Variants in NEGR1 observed in about 807,000 individuals in gnomAD.
NEGR1 encodes IgLON family member 4.
In NEGR1, 10 loss-of-function variants were observed where a neutral mutation model predicts 40.9. That is an observed-to-expected ratio of 0.24 (90% CI 0.15 to 0.42). The LOEUF is 0.42. NEGR1 is among the 10% of genes least tolerant of loss of function. NEGR1 has a pLI of 1.00. For missense variants in NEGR1, 352 were observed against 438.9 expected (o/e 0.80, Z 1.77); for synonymous variants, 185 against 166.8 (o/e 1.11, Z -0.84).
chr1:71,416,381 G>A (rs1394179566), intron 6 of NEGR1, among the ~76,000 whole-genome samples: 1 of 152,060 alleles, frequency 6.6e-6, no homozygotes, highest in Non-Finnish European at 1.5e-5. Context: ...CTGCAACATC[G>A]TTCTTTTGGC....
chr1:71,642,787 A>G (rs1461546446), intron 4 of NEGR1, among the ~76,000 whole-genome samples: 2 of 151,932 alleles, frequency 1.3e-5, no homozygotes, highest in Admixed American at 6.6e-5. Flanking sequence ...TGTTTATTCT[A>G]TCTTGGCAAT....
intron 1 of NEGR1, among the ~76,000 whole-genome samples, chr1:72,134,426 G>A (rs1173813535): frequency 2.6e-5 from 4 of 151,800 alleles, no homozygotes; most frequent in South Asian, 2.1e-4. Context: ...GGATGGTCTC[G>A]ATCTCCTGAC....
intron 1 of NEGR1, among the ~76,000 whole-genome samples, chr1:72,149,040 C>T (rs1651018500): frequency 6.6e-6 from 1 of 152,244 alleles, no homozygotes; most frequent in South Asian, 2.1e-4. Context: ...TCTATTAGTT[C>T]ACTTTCATGC....
At chr1:72,256,718 T>G (rs1194261) in intron 1 of NEGR1, among the ~76,000 whole-genome samples, 324 of 152,332 alleles carry the variant, frequency 2.1e-3, no homozygotes, top group African/African-American at 7.5e-3. Flanking sequence ...GTTATCAAAT[T>G]TTGTTTACCT....
intron 1 of NEGR1, among the ~76,000 whole-genome samples, chr1:72,253,026 A>AT (rs1396391297): frequency 7.9e-5 from 12 of 152,204 alleles, no homozygotes; most frequent in African/African-American, 2.9e-4. Context: ...AAATAGTTTG[A>AT]TAAGTATAGA....
chr1:72,135,918 T>A (rs960949741), intron 1 of NEGR1, among the ~76,000 whole-genome samples: 1 of 152,180 alleles, frequency 6.6e-6, no homozygotes, highest in Non-Finnish European at 1.5e-5. Flanking sequence ...CACAATAGAT[T>A]TGCCTTAGTG....
intron 2 of NEGR1, among the ~76,000 whole-genome samples, chr1:71,814,730 T>C (rs192726343): frequency 1.3e-5 from 2 of 152,258 alleles, no homozygotes; most frequent in Admixed American, 1.3e-4. Flanking sequence ...TGATGTTTGT[T>C]TGCATTTCTG....
At chr1:71,942,166 C>T (rs1645965044) in intron 1 of NEGR1, among the ~76,000 whole-genome samples, 1 of 150,336 alleles carries the variant, frequency 6.7e-6, no homozygotes, top group African/African-American at 2.4e-5. Flanking sequence ...TTCACTCTAG[C>T]AATTTGGGAT....
At chr1:71,943,439 A>G (rs1034845738) in intron 1 of NEGR1, among the ~76,000 whole-genome samples, 1 of 151,710 alleles carries the variant, frequency 6.6e-6, no homozygotes, top group Non-Finnish European at 1.5e-5. Flanking sequence ...AAAATCACTC[A>G]TTTTAACTCA....
Position 71,580,287 on chromosome 1 carries a change from T to C in NEGR1, c.940+12530A>G, listed in dbSNP as rs1004812191. Among the ~76,000 whole-genome samples, 60 of 141,174 alleles carry C rather than the reference T, an allele frequency of 4.3e-4. 1 individual carries two copies. The highest frequency in any genetic ancestry group is 3.0e-5 in the Non-Finnish European group (2 of 66,006). 92.6% of individuals were successfully genotyped at this position (141,174 alleles called of 152,430 possible). ...ACACATGGACACAGGAAGGGGAACA[T>C]CACACTCTGGAGACTGTTGTGGGGC... On this transcript the variant is annotated intron_variant, in intron 6 of 6. Coordinates refer to ENST00000357731, the MANE Select transcript of NEGR1 (RefSeq NM_173808.3).
At chr1:71,442,312 G>A (rs948548129) in intron 6 of NEGR1, among the ~76,000 whole-genome samples, 2 of 128,602 alleles carry the variant, frequency 1.6e-5, no homozygotes, top group African/African-American at 3.0e-5. Context: ...CTTTTCCATC[G>A]TTAAATAATT....
chr1:72,274,791 A>C, intron 1 of NEGR1: 1 of 1,440,532 alleles, frequency 6.9e-7, no homozygotes, highest in Non-Finnish European at 9.8e-7. Flanking sequence ...GCTGTGTAAA[A>C]GATCGGGTAG....
intron 2 of NEGR1, among the ~76,000 whole-genome samples, chr1:71,818,471 A>G (rs921133631): frequency 1.3e-5 from 2 of 151,866 alleles, no homozygotes; most frequent in African/African-American, 4.8e-5. Flanking sequence ...TATAAATGGG[A>G]GCTAAATGAT....
intron 2 of NEGR1, among the ~76,000 whole-genome samples, chr1:71,931,584 C>T (rs1645855966): frequency 6.6e-6 from 1 of 152,080 alleles, no homozygotes; most frequent in South Asian, 2.1e-4. Context: ...GGGGGCCTAA[C>T]TCACTTTTAT....
At chr1:71,678,098 G>GT (rs1652707229) in intron 4 of NEGR1, among the ~76,000 whole-genome samples, 1 of 151,674 alleles carries the variant, frequency 6.6e-6, no homozygotes. Flanking sequence ...GTAGGGCATG[G>GT]TAAAAAAAAG....
At chr1:72,240,286 A>G (rs1271065648) in intron 1 of NEGR1, among the ~76,000 whole-genome samples, 1 of 151,870 alleles carries the variant, frequency 6.6e-6, no homozygotes, top group East Asian at 1.9e-4. Flanking sequence ...CAATGAAAAG[A>G]AAGTATCTAG....
At chr1:71,862,488 T>C (rs1301966247) in intron 2 of NEGR1, among the ~76,000 whole-genome samples, 1 of 152,116 alleles carries the variant, frequency 6.6e-6, no homozygotes, top group East Asian at 1.9e-4. Flanking sequence ...ACATCACAAT[T>C]GCTTCCTGAG....
chr1:71,625,301 C>T (rs1281012211), intron 4 of NEGR1, among the ~76,000 whole-genome samples: 1 of 151,922 alleles, frequency 6.6e-6, no homozygotes, highest in African/African-American at 2.4e-5. Flanking sequence ...CAGACACACA[C>T]ACACACACAC....
At chr1:72,199,146 C>T (rs892262455) in intron 1 of NEGR1, among the ~76,000 whole-genome samples, 50 of 139,168 alleles carry the variant, frequency 3.6e-4, no homozygotes, top group South Asian at 2.3e-3. Flanking sequence ...TCTAGATAGA[C>T]AGACAGAGAG....
Sources: allele counts gnomAD v4.1 joint callset (sites outside exome capture counted in the v4.1 genomes callset), GRCh38; gene constraint gnomAD v4.1.1; transcripts MANE v1.5; gene names NCBI Gene and HGNC (gene_info 2026-07-23, HGNC 2026-07-21).